Variants in LHX8 observed in about 807,000 individuals in gnomAD.
The protein encoded by LHX8 is LIM homeobox 8, also known as LIM/homeobox protein Lhx8.
A neutral mutation model predicts 40.3 loss-of-function variants in LHX8; 12 were observed. That is an observed-to-expected ratio of 0.30 (90% CI 0.19 to 0.48). The LOEUF (loss-of-function observed/expected upper bound fraction) is 0.48, where lower values mean the gene tolerates loss of function less well. Among genes scored for constraint, LHX8 ranks in the 20% least tolerant of loss-of-function variants. LHX8 has a pLI of 0.99. For synonymous variants in LHX8, 179 were observed against 162.0 expected (o/e 1.10, Z -0.80); for missense variants, 344 against 433.7 (o/e 0.79, Z 1.84).
chr1:75,161,063 T>C lies in LHX8; in HGVS notation c.*168T>C. The C allele has an allele frequency of 3.3e-6, 2 of 597,636 alleles. No individual in the cohort carries two copies. Among genetic ancestry groups the C allele is most frequent in the Non-Finnish European group, 5.9e-6 (2 of 336,846 alleles). The allele number at this position is 597,636 out of a possible 1,614,324, so 37.0% of individuals were successfully genotyped here. The stretch of plus-strand genomic sequence containing the variant: ...CTATAGTTGGCCTGCAAGACACTTT[T>C]ATTAATTCTTCATTTTTTGTAAAAC... On this transcript the variant is annotated 3_prime_UTR_variant, in exon 9 of 9. Transcript: ENST00000356261.
At chr1:75,132,787 A>ACT (rs1648008604), upstream of LHX8, 1 of 150,824 alleles carries the variant, frequency 6.6e-6, no homozygotes, top group African/African-American at 2.5e-5. Flanking sequence ...ACACACACAC[A>ACT]CTGTAATTAA....
chr1:75,189,480 G>A, the LHX8 span, among the ~76,000 whole-genome samples: 4 of 152,148 alleles, frequency 2.6e-5, no homozygotes, highest in Non-Finnish European at 4.4e-5. Context: ...AGCACACATA[G>A]CACATGCAGC....
At chr1:75,176,978 G>A in the LHX8 span, among the ~76,000 whole-genome samples, 2 of 152,096 alleles carry the variant, frequency 1.3e-5, no homozygotes, top group Non-Finnish European at 2.9e-5. Context: ...AAGATCAGAT[G>A]GTTGTAGATG....
downstream of LHX8, among the ~76,000 whole-genome samples, chr1:75,162,416 T>C (rs1648938775): frequency 6.6e-6 from 1 of 152,138 alleles, no homozygotes; most frequent in African/African-American, 2.4e-5. Flanking sequence ...CTAGGAAAGC[T>C]TTTGTAGTAT....
At chr1:75,165,631 G>A (rs1355282915), downstream of LHX8, among the ~76,000 whole-genome samples, 1 of 152,128 alleles carries the variant, frequency 6.6e-6, no homozygotes, top group Admixed American at 6.5e-5. Flanking sequence ...GTCCTGGGGA[G>A]GTAGAAACAA....
intron 6 of LHX8, among the ~76,000 whole-genome samples, chr1:75,144,595 G>A (rs1348514600): frequency 6.6e-6 from 1 of 151,958 alleles, no homozygotes; most frequent in Non-Finnish European, 1.5e-5. Context: ...AAACATGATT[G>A]TTATAAATTT....
chr1:75,198,589 C>T, the LHX8 span, among the ~76,000 whole-genome samples: 2 of 152,136 alleles, frequency 1.3e-5, no homozygotes, highest in African/African-American at 2.4e-5. Context: ...CTCCCCTTGG[C>T]CTGTTTCTCA....
chr1:75,174,917 G>A, the LHX8 span, among the ~76,000 whole-genome samples: 2 of 151,948 alleles, frequency 1.3e-5, no homozygotes, highest in African/African-American at 2.4e-5. Flanking sequence ...TCCATCACTC[G>A]AGCAGTGTAC....
At chr1:75,162,944 TA>T (rs1648954088), downstream of LHX8, among the ~76,000 whole-genome samples, 1 of 151,750 alleles carries the variant, frequency 6.6e-6, no homozygotes, top group African/African-American at 2.4e-5. Context: ...ATTGTTGGAG[TA>T]GCAAAGATGT....
intron 3 of LHX8, among the ~76,000 whole-genome samples, chr1:75,138,616 C>T (rs944988693): frequency 6.6e-6 from 1 of 152,098 alleles, no homozygotes; most frequent in Admixed American, 6.5e-5. Flanking sequence ...AACTAGCATC[C>T]TATTTTTAAT....
At chr1:75,136,069 C>T (rs1570283379) in intron 1 of LHX8, among the ~76,000 whole-genome samples, 2 of 152,324 alleles carry the variant, frequency 1.3e-5, no homozygotes, top group African/African-American at 4.8e-5. Context: ...ACCTCTTCAC[C>T]TTTCGGGCTA....
chr1:75,163,553 C>A (rs1009837056), downstream of LHX8, among the ~76,000 whole-genome samples: 3 of 152,102 alleles, frequency 2.0e-5, no homozygotes, highest in Non-Finnish European at 2.9e-5. Context: ...GATTTTTACT[C>A]TTTTGAAACA....
the LHX8 span, among the ~76,000 whole-genome samples, chr1:75,198,838 G>A: frequency 6.6e-6 from 1 of 152,150 alleles, no homozygotes; most frequent in African/African-American, 2.4e-5. Flanking sequence ...AGATTGAGTT[G>A]GAGGAAAGGA....
chr1:75,142,914 C>T (rs989621075), intron 4 of LHX8, among the ~76,000 whole-genome samples: 1 of 152,110 alleles, frequency 6.6e-6, no homozygotes, highest in African/African-American at 2.4e-5. Flanking sequence ...TTTTTATAAA[C>T]AGCTTTGAGT....
At chr1:75,158,648 C>A (rs1438837833) in intron 8 of LHX8, among the ~76,000 whole-genome samples, 1 of 152,056 alleles carries the variant, frequency 6.6e-6, no homozygotes, top group Non-Finnish European at 1.5e-5. Flanking sequence ...GACATATTTG[C>A]CATAAATCAA....
chr1:75,142,551 ACTTTTC>A (rs1197676207), intron 4 of LHX8, among the ~76,000 whole-genome samples: 2 of 152,182 alleles, frequency 1.3e-5, no homozygotes, highest in African/African-American at 2.4e-5. Context: ...AACATTTCTG[ACTTTTC>A]CTTTCTCACC....
chr1:75,135,725 C>T (rs148595539), intron 1 of LHX8, among the ~76,000 whole-genome samples: 12 of 152,202 alleles, frequency 7.9e-5, no homozygotes, highest in Non-Finnish European at 1.3e-4. Context: ...ACTTGAGTAA[C>T]GCGCGTTGTT....
chr1:75,191,179 G>A, the LHX8 span, among the ~76,000 whole-genome samples: 838 of 152,122 alleles, frequency 5.5e-3, 7 homozygotes, highest in Non-Finnish European at 6.9e-3. Flanking sequence ...TACATTTTAA[G>A]CAGAAAAATT....
chr1:75,138,442 G>T (rs1648213746), intron 3 of LHX8, among the ~76,000 whole-genome samples: 1 of 152,096 alleles, frequency 6.6e-6, no homozygotes, highest in South Asian at 2.1e-4. Context: ...AGAAGTTTTG[G>T]TAAAAAGATT....
Sources: gnomAD v4.1 joint callset for allele counts (sites outside exome capture counted in the v4.1 genomes callset) on GRCh38, gnomAD v4.1.1 for gene constraint, MANE v1.5 for transcripts, NCBI Gene and HGNC (gene_info 2026-07-23, HGNC 2026-07-21) for gene names.